Variants in LGMN observed in about 807,000 individuals in gnomAD.
LGMN encodes the protein legumain.
A neutral mutation model predicts 56.8 loss-of-function variants in LGMN; 36 were observed. That is an observed-to-expected ratio of 0.63 (90% CI 0.49 to 0.84). The LOEUF is 0.84. Among genes scored for constraint, LGMN ranks in the 40% least tolerant of loss-of-function variants. The pLI is 0.00. For synonymous variants in LGMN, 199 were observed against 210.1 expected (o/e 0.95, Z 0.46); for missense variants, 446 against 556.1 (o/e 0.80, Z 1.99).
rs2236264 is a variant in LGMN, at chr14:92,732,735, C to G, written c.52G>C (p.Val18Leu). 6.2e-7 allele frequency: 1 copy of G among 1,613,936 alleles called. No homozygotes were observed. Among genetic ancestry groups the G allele is most frequent in the Non-Finnish European group, 8.5e-7 (1 of 1,179,972 alleles). Residue 18 changes from valine (V) to leucine (L), a missense_variant, in exon 2 of 14, where the codon GTT becomes CTT. Physicochemically the swap from Val to Leu is conservative, Grantham distance 32 (BLOSUM62 1). Transcript: ENST00000334869. ...CCATCTTCAGGATCATCTATAGGAA[C>G]GGCACCAATGCCCAGGGCCACACTG... ...FLSVALGIGA[V>L]PIDDPEDGGK... is the part of the protein sequence containing the mutation.
intron 2 of LGMN, among the ~76,000 whole-genome samples, chr14:92,725,774 C>T (rs183474477): frequency 1.1e-3 from 173 of 151,926 alleles, no homozygotes; most frequent in Non-Finnish European, 1.9e-3. Context: ...GGGGTTTCAC[C>T]ATGTTGGCCA....
intron 2 of LGMN, among the ~76,000 whole-genome samples, chr14:92,729,079 A>G (rs1890892194): frequency 7.1e-6 from 1 of 141,318 alleles, no homozygotes; most frequent in African/African-American, 2.7e-5. Flanking sequence ...GCTAGGTACC[A>G]TTTTCAGTCA....
At chr14:92,725,385 T>C (rs1219718743) in intron 2 of LGMN, among the ~76,000 whole-genome samples, 1 of 151,206 alleles carries the variant, frequency 6.6e-6, no homozygotes, top group East Asian at 1.9e-4. Flanking sequence ...TTCATCTCTA[T>C]AAAAAAAAAT....
At chr14:92,726,047 G>A (rs1013325863) in intron 2 of LGMN, among the ~76,000 whole-genome samples, 2 of 151,396 alleles carry the variant, frequency 1.3e-5, no homozygotes, top group Non-Finnish European at 2.9e-5. Flanking sequence ...GACCAGTCTG[G>A]CTAACATGGT....
chr14:92,722,764 A>C (rs1432913929), intron 2 of LGMN, among the ~76,000 whole-genome samples: 1 of 152,220 alleles, frequency 6.6e-6, no homozygotes, highest in East Asian at 1.9e-4. Context: ...TGTATCACTG[A>C]GCCAAAAATA....
intron 10 of LGMN, 90 bp from the exon 11 acceptor site, chr14:92,709,962 G>T: frequency 9.3e-7 from 1 of 1,072,584 alleles, no homozygotes; most frequent in Non-Finnish European, 1.3e-6. Context: ...GAGCTGGTTT[G>T]AGTGGGAGGA....
intron 12 of LGMN, among the ~76,000 whole-genome samples, chr14:92,705,096 C>T (rs1889360774): frequency 6.6e-6 from 1 of 152,204 alleles, no homozygotes. Flanking sequence ...TGGATCACAC[C>T]AGGGAAGGGT....
In LGMN at chr14:92,721,243, G is replaced by C. The variant is rs189504770; in HGVS notation, c.139-2399C>G. 2.6e-5 allele frequency among the ~76,000 whole-genome samples: 4 copies of C among 152,274 alleles called. No individual in the cohort carries two copies. In the East Asian group the frequency reaches 7.7e-4, roughly 29 times the overall value. ...CTTTTGTATGTGGAGACAGAGGCAGGAGTCAGTGTCCAAGTGATGCAGTGT... is the reference window on the plus strand; with the variant it reads ...CTTTTGTATGTGGAGACAGAGGCAGCAGTCAGTGTCCAAGTGATGCAGTGT... On this transcript the variant is annotated intron_variant, in intron 2 of 13. Coordinates refer to ENST00000334869, the MANE Select transcript of LGMN (RefSeq NM_005606.7).
intron 1 of LGMN, among the ~76,000 whole-genome samples, chr14:92,739,149 T>C (rs143659442): frequency 7.8e-4 from 118 of 152,236 alleles, no homozygotes; most frequent in African/African-American, 2.6e-3. Flanking sequence ...GCAATGAACA[T>C]GCCTCAAAGT....
chr14:92,729,395 A>G lies in LGMN; in HGVS notation c.138+3254T>C, dbSNP rs549161440. Among the ~76,000 whole-genome samples the G allele has an allele frequency of 3.6e-5, 5 of 138,162 alleles. No individual in the cohort carries two copies. In the East Asian group the frequency reaches 9.2e-4, roughly 25 times the overall value. 90.6% of individuals were successfully genotyped at this position (138,162 alleles called of 152,430 possible). A position where few individuals can be genotyped will look rare whatever the true frequency, so the allele number is the denominator to read the frequency against. On this transcript the variant is annotated intron_variant, in intron 2 of 13. Coordinates refer to ENST00000334869, the MANE Select transcript of LGMN (RefSeq NM_005606.7). Reference sequence around the variant, plus strand: ...CTCTACTCTGATTCCACGACTTCCAAAGGGGCCCTCCTTACTCACCCCATG... The same window carrying G: ...CTCTACTCTGATTCCACGACTTCCAGAGGGGCCCTCCTTACTCACCCCATG...
chr14:92,743,805 A>T (rs1891687957), intron 1 of LGMN, among the ~76,000 whole-genome samples: 1 of 150,122 alleles, frequency 6.7e-6, no homozygotes, highest in African/African-American at 2.5e-5. Context: ...CTGTCTCAAA[A>T]AAAAAAAAAA....
chr14:92,726,276 T>G (rs1189917469), intron 2 of LGMN, among the ~76,000 whole-genome samples: 1 of 151,282 alleles, frequency 6.6e-6, no homozygotes, highest in Non-Finnish European at 1.5e-5. Context: ...ACAAATAGCT[T>G]GTGAGAAACA....
intron 2 of LGMN, among the ~76,000 whole-genome samples, chr14:92,731,929 A>G (rs1425984351): frequency 6.6e-6 from 1 of 152,182 alleles, no homozygotes; most frequent in Non-Finnish European, 1.5e-5. Context: ...TGGACTTTTC[A>G]TGGACACTCC....
At chr14:92,723,049 ATTT>A (rs770613815) in intron 2 of LGMN, among the ~76,000 whole-genome samples, 1 of 145,820 alleles carries the variant, frequency 6.9e-6, no homozygotes, top group Non-Finnish European at 1.5e-5. Context: ...ACAAGTCTAA[ATTT>A]TTTTTTTTTT....
At chr14:92,713,721 C>G (rs1205322838) in intron 7 of LGMN, 102 bp downstream of exon 7, 2 of 820,566 alleles carry the variant, frequency 2.4e-6, no homozygotes, top group African/African-American at 1.7e-5. Flanking sequence ...CTAGAAAACA[C>G]AGCACCCACA....
intron 2 of LGMN, among the ~76,000 whole-genome samples, chr14:92,724,124 A>G (rs1242113): frequency 0.061 from 9,350 of 152,316 alleles, 999 homozygotes; most frequent in African/African-American, 0.21. Context: ...TCATTGAATT[A>G]GATTAATTAA....
At chr14:92,734,951 C>T (rs1891230119) in intron 1 of LGMN, among the ~76,000 whole-genome samples, 1 of 152,190 alleles carries the variant, frequency 6.6e-6, no homozygotes, top group African/African-American at 2.4e-5. Flanking sequence ...GGGAACTCAA[C>T]AGGGACAGAA....
In LGMN at chr14:92,714,310, A is replaced by C; in HGVS notation, c.480+66T>G. On this transcript the variant is annotated intron_variant, in intron 6 of 13. Transcript: ENST00000334869. The surrounding 1 kb of genome is among the most constrained non-coding windows in gnomAD (Gnocchi z 5.1). ...ACTAGAAAATACACGCTATGGGTTT[A>C]ATCTCGACACCTAGGCTTGCTTTTC... The C allele has an allele frequency of 8.8e-7, 1 of 1,136,262 alleles. No homozygotes were observed. Among genetic ancestry groups the C allele is most frequent in the South Asian group, 1.3e-5 (1 of 78,270 alleles). 70.4% of individuals were successfully genotyped at this position (1,136,262 alleles called of 1,614,324 possible). A position where few individuals can be genotyped will look rare whatever the true frequency, so the allele number is the denominator to read the frequency against.
At position 92,704,322 on chromosome 14, in the gene LGMN, G is replaced by A. The variant is rs775553384; in HGVS notation, c.1299C>T (p.Tyr433=). ...AAAGCTTCCAGGAGGCAGCTCTTCAGTAGTGACCAAGGCACACGTGGTCCA... is the reference window on the plus strand; with the variant it reads ...AAAGCTTCCAGGAGGCAGCTCTTCAATAGTGACCAAGGCACACGTGGTCCA... The part of the protein sequence containing the change: ...LSMDHVCLGH[Y] The change falls in exon 14 of 14, where the codon TAC becomes TAT. Residue 433 remains tyrosine (Y), a synonymous_variant. Coordinates refer to ENST00000334869, the MANE Select transcript of LGMN (RefSeq NM_005606.7). 7 of 1,613,940 alleles carry A rather than the reference G, an allele frequency of 4.3e-6. No individual in the cohort carries two copies. Among genetic ancestry groups the A allele is most frequent in the Middle Eastern group, 1.6e-4 (1 of 6,084 alleles).
Sources: allele counts gnomAD v4.1 joint callset (sites outside exome capture counted in the v4.1 genomes callset), GRCh38; gene constraint gnomAD v4.1.1; non-coding constraint Gnocchi (gnomAD v3.1); transcripts MANE v1.5; gene names NCBI Gene and HGNC (gene_info 2026-07-23, HGNC 2026-07-21).